RFNG: variants seen among roughly 807,000 people sequenced by gnomAD.
RFNG encodes beta-1,3-N-acetylglucosaminyltransferase radical fringe.
In RFNG, 37 loss-of-function variants were observed where a neutral mutation model predicts 29.6. The ratio of observed to expected loss-of-function variants is 1.25; its 90% CI spans 0.96 to 1.65. RFNG has a LOEUF of 1.65. Ranked by LOEUF, RFNG falls within the 40% of genes most tolerant of loss-of-function variation. RFNG has a pLI of 0.00. For synonymous variants in RFNG, 276 were observed against 197.3 expected, an observed-to-expected ratio of 1.40 and a Z score of -3.34; for missense variants, 546 against 457.0, an observed-to-expected ratio of 1.19 and a Z score of -1.78.
Position 82,050,722 on chromosome 17 carries a change from C to A in RFNG, c.359G>T (p.Arg120Leu). 1.2e-6 allele frequency: 2 copies of A among 1,613,220 alleles called. No individual in the cohort carries two copies. Among genetic ancestry groups the A allele is most frequent in the South Asian group, 2.2e-5 (2 of 91,084 alleles). The change falls in exon 3 of 8, where the codon CGT becomes CTT. Residue 120 changes from arginine (R) to leucine (L), a missense_variant. Transcript: ENST00000310496. The stretch of plus-strand genomic sequence containing the variant: ...GGACATCTTGCAGCAGAGGGCCTGA[C>A]GAGTGCGCACCGCCGAGCAGTTGGT... ...INTNCSAVRT[R>L]QALCCKMSVE...
intron 2 of RFNG, 143 bp from the exon 3 acceptor site, chr17:82,050,907 C>T (rs2030434694): frequency 4.3e-6 from 6 of 1,407,526 alleles, no homozygotes; most frequent in South Asian, 4.2e-5. Context: ...CAACCACAGC[C>T]CTAGCCCTCA....
chr17:82,048,768 G>A lies in RFNG; in HGVS notation c.954C>T (p.Asp318=), dbSNP rs2030077026. ...SIHCLLYPDT[D]WCPRQKQGAP... ...CGCCCTGTTTCTGCCTGGGACACCA[G>A]TCCGTGTCTGGGTACAGAAGACAAT... is the stretch of plus-strand genomic sequence containing the variant. Residue 318 remains aspartate (D), a synonymous_variant, in exon 8 of 8, where the codon GAC becomes GAT. Transcript: ENST00000310496. 1 of 1,613,372 alleles carries A rather than the reference G, an allele frequency of 6.2e-7. No homozygotes were observed. Among genetic ancestry groups the A allele is most frequent in the Non-Finnish European group, 8.5e-7 (1 of 1,179,856 alleles).
In RFNG at chr17:82,051,541, G is replaced by A; in HGVS notation, c.226C>T (p.Arg76Trp). Residue 76 changes from arginine (R) to tryptophan (W), a missense_variant, in exon 1 of 8, where the codon CGG becomes TGG. Arg to Trp is a moderately radical substitution (Grantham distance 101). Transcript: ENST00000310496. The surrounding 1 kb of genome is among the most constrained non-coding windows in gnomAD (Gnocchi z 4.1). ...TTRKNHGPRL[R>W]LLLRTWISRA... ...GAGATCCAGGTGCGCAGCAGCAGCC[G>A]CAGGCGCGGCCCGTGGTTCTTCCGG... 2 of 1,400,048 alleles carry A rather than the reference G, an allele frequency of 1.4e-6. No homozygotes were observed. The highest frequency in any genetic ancestry group is 1.5e-5 in the South Asian group (1 of 65,986). The allele number at this position is 1,400,048 out of a possible 1,614,324, so 86.7% of individuals were successfully genotyped here. A position where few individuals can be genotyped will look rare whatever the true frequency, so the allele number is the denominator to read the frequency against.
Position 82,051,599 on chromosome 17 carries a change from C to T in RFNG, c.168G>A (p.Arg56=), listed in dbSNP as rs1476122190. 2 of 1,288,240 alleles carry T rather than the reference C, an allele frequency of 1.6e-6. No homozygotes were observed. Among genetic ancestry groups the T allele is most frequent in the Non-Finnish European group, 2.0e-6 (2 of 1,016,908 alleles). 79.8% of individuals were successfully genotyped at this position (1,288,240 alleles called of 1,614,324 possible). ...TGACGGCGATGAAGACGTCGTCAGG[C>T]CGCAGGCTGGGGGCAGCGGGCCGGG... ...PPSRPAAPSL[R]PDDVFIAVKT... The change falls in exon 1 of 8, where the codon CGG becomes CGA. Residue 56 remains arginine, a synonymous_variant. Coordinates refer to ENST00000310496, the MANE Select transcript of RFNG (RefSeq NM_002917.2). This position sits in a 1 kb window ranked among gnomAD's most constrained non-coding sequence, Gnocchi z 4.1.
Position 82,051,075 on chromosome 17 carries a change from C to G in RFNG, c.316+219G>C, listed in dbSNP as rs2030478771. 3 of 1,368,742 alleles carry G rather than the reference C, an allele frequency of 2.2e-6. No homozygotes were observed. The highest frequency in any genetic ancestry group is 2.8e-6 in the Non-Finnish European group (3 of 1,066,498). 84.8% of individuals were successfully genotyped at this position (1,368,742 alleles called of 1,614,324 possible). A position where few individuals can be genotyped will look rare whatever the true frequency, so the allele number is the denominator to read the frequency against. On this transcript the variant is annotated intron_variant, in intron 2 of 7. Transcript: ENST00000310496. This position sits in a 1 kb window ranked among gnomAD's most constrained non-coding sequence, Gnocchi z 4.1. ...AGGGGACGTGGCACTAGCCCCACGC[C>G]CCGGGAAGCGGCTAGTGTGAGAGGC...
chr17:82,048,907 C>CGG (rs2030086855), intron 7 of RFNG, 100 bp from the exon 8 acceptor site: 8 of 1,395,520 alleles, frequency 5.7e-6, no homozygotes, highest in African/African-American at 1.6e-5. Context: ...GCCGTGGGTA[C>CGG]AGGGAGAAGC....
intron 4 of RFNG, 172 bp from the exon 5 acceptor site, chr17:82,050,178 G>A (rs1228723887): frequency 1.3e-6 from 1 of 777,440 alleles, no homozygotes; most frequent in Admixed American, 2.6e-5. Context: ...TTGACCCGTA[G>A]CCTCCAGACC....
intron 4 of RFNG, 127 bp downstream of exon 4, chr17:82,050,275 T>C (rs536075818): frequency 8.6e-6 from 10 of 1,164,372 alleles, no homozygotes; most frequent in Non-Finnish European, 1.2e-5. Context: ...GCAAACCACC[T>C]GGGTGGATCA....
intron 2 of RFNG, chr17:82,050,983 G>C (rs2030457783): frequency 2.8e-6 from 4 of 1,425,716 alleles, no homozygotes; most frequent in African/African-American, 1.4e-5. Flanking sequence ...CTCTTGAGTG[G>C]AAACAGGACG....
In RFNG at chr17:82,051,662, CG is replaced by C; in HGVS notation, c.104del (p.Pro35ArgfsTer117). ...LPLPLPRAPA[P>X]ARTPAPAPRA... ...GCGGGGCCGGGGCGGGGGTCCGGGC[CG>C]GGGCGGGCGCGCGGGGCAGCGGCAG... On this transcript the variant is annotated frameshift_variant, in exon 1 of 8. Transcript: ENST00000310496. LOFTEE classifies it high-confidence loss of function. The surrounding 1 kb of genome is among the most constrained non-coding windows in gnomAD (Gnocchi z 4.1). The C allele has an allele frequency of 1.0e-6, 1 of 1,001,294 alleles. No individual in the cohort carries two copies. Among genetic ancestry groups the C allele is most frequent in the Non-Finnish European group, 1.2e-6 (1 of 841,180 alleles). 62.0% of individuals were successfully genotyped at this position (1,001,294 alleles called of 1,614,324 possible). A position where few individuals can be genotyped will look rare whatever the true frequency, so the allele number is the denominator to read the frequency against.
intron 6 of RFNG, 176 bp downstream of exon 6, chr17:82,049,501 G>A: frequency 1.3e-6 from 1 of 773,986 alleles, no homozygotes; most frequent in Non-Finnish European, 2.2e-6. Flanking sequence ...TACCCCATCT[G>A]TACGTGAGGA....
intron 6 of RFNG, chr17:82,049,375 T>A: frequency 1.4e-6 from 1 of 698,426 alleles, no homozygotes; most frequent in Non-Finnish European, 2.6e-6. Context: ...CTCCACGTGA[T>A]GGGACCTGTT....
intron 6 of RFNG, chr17:82,049,408 A>G (rs1270912309): frequency 1.4e-6 from 1 of 699,018 alleles, no homozygotes; most frequent in Non-Finnish European, 2.6e-6. Context: ...CACCATACAC[A>G]CCACACCCAC....
chr17:82,050,504 C>T lies in RFNG; in HGVS notation c.471G>A (p.Leu157=). The change falls in exon 4 of 8, where the codon CTG becomes CTA. Residue 157 remains leucine (L), a synonymous_variant. Coordinates refer to ENST00000310496, the MANE Select transcript of RFNG (RefSeq NM_002917.2). ...TGGGTGAGAAGCTGGAGAGCAGGTG[C>T]AGGAGGCTCCTGGCGTTCACATAAT... ...DDNYVNARSL[L]HLLSSFSPSQ... 12 of 1,613,062 alleles carry T rather than the reference C, an allele frequency of 7.4e-6. No homozygotes were observed. The highest frequency in any genetic ancestry group is 1.0e-5 in the Non-Finnish European group (12 of 1,179,882).
In RFNG at chr17:82,048,745, C is replaced by T; in HGVS notation, c.977G>A (p.Gly326Asp). ...TTGGTGTCACCGAGAGGTCGGGGCG[C>T]CCTGTTTCTGCCTGGGACACCAGTC... Reference protein sequence around the residue: ...DTDWCPRQKQGAPTSR With the variant: ...DTDWCPRQKQDAPTSR Residue 326 changes from glycine (G) to aspartate (D), a missense_variant, in exon 8 of 8, where the codon GGC (glycine) becomes GAC (aspartate). Gly to Asp is a moderately conservative substitution (Grantham distance 94, BLOSUM62 -1). Coordinates refer to ENST00000310496, the MANE Select transcript of RFNG (RefSeq NM_002917.2). 2 of 1,613,072 alleles carry T rather than the reference C, an allele frequency of 1.2e-6. No homozygotes were observed. Among genetic ancestry groups the T allele is most frequent in the Non-Finnish European group, 1.7e-6 (2 of 1,179,836 alleles).
chr17:82,048,820 G>A lies in RFNG; in HGVS notation c.915-13C>T, dbSNP rs770258658. ...GATAGACTTAAACCTGGGGAAGGAA[G>A]AAGTAGGGGTCAGGGCCGTGGGCGG... is the stretch of plus-strand genomic sequence containing the variant. On this transcript the variant is annotated splice_polypyrimidine_tract_variant and intron_variant, in intron 7 of 7. Coordinates refer to ENST00000310496, the MANE Select transcript of RFNG (RefSeq NM_002917.2). The A allele has an allele frequency of 9.6e-5, 154 of 1,608,258 alleles. 1 individual carries two copies. The South Asian group carries it at 9.8e-4, about 10-fold the overall frequency.
Position 82,051,495 on chromosome 17 carries a change from C to A in RFNG, c.267+5G>T, listed in dbSNP as rs1172522506. 7.3e-7 allele frequency: 1 copy of A among 1,370,946 alleles called. No individual in the cohort carries two copies. The highest frequency in any genetic ancestry group is 1.7e-5 in the South Asian group (1 of 57,968). The allele number at this position is 1,370,946 out of a possible 1,614,324, so 84.9% of individuals were successfully genotyped here. ...GCTCGCCGTCGGGGTCGGGGTCCGGCGCACCTGCTGGCGGGCCCGGGAGAT... is the reference window on the plus strand; with the variant it reads ...GCTCGCCGTCGGGGTCGGGGTCCGGAGCACCTGCTGGCGGGCCCGGGAGAT... On this transcript the variant is annotated splice_donor_5th_base_variant and intron_variant, in intron 1 of 7. Coordinates refer to ENST00000310496, the MANE Select transcript of RFNG (RefSeq NM_002917.2). This position sits in a 1 kb window ranked among gnomAD's most constrained non-coding sequence, Gnocchi z 4.1.
chr17:82,048,347 C>G lies in RFNG; in HGVS notation c.*379G>C, dbSNP rs2030056006. ...GCTGGGCCAGGACCTTGGCCTGGAG[C>G]CTGCTCCTTGACACCCAGCCAGCCT... On this transcript the variant is annotated 3_prime_UTR_variant, in exon 8 of 8. Coordinates refer to ENST00000310496, the MANE Select transcript of RFNG (RefSeq NM_002917.2). 1 of 273,122 alleles carries G rather than the reference C, an allele frequency of 3.7e-6. No individual in the cohort carries two copies. The highest frequency in any genetic ancestry group is 2.2e-5 in the African/African-American group (1 of 44,882). The allele number at this position is 273,122 out of a possible 1,614,324, so 16.9% of individuals were successfully genotyped here. A position where few individuals can be genotyped will look rare whatever the true frequency, so the allele number is the denominator to read the frequency against.
chr17:82,051,297 C>A lies in RFNG; in HGVS notation c.313G>T (p.Gly105Cys). The change falls in exon 2 of 8, where the codon GGC (glycine) becomes TGC (cysteine). Residue 105 changes from glycine (G) to cysteine (C), a missense_variant. Coordinates refer to ENST00000310496, the MANE Select transcript of RFNG (RefSeq NM_002917.2). This position sits in a 1 kb window ranked among gnomAD's most constrained non-coding sequence, Gnocchi z 4.1. ...DGDDPELELQ[G>C]GDRVINTNCS... ...CCGGGGAGTGGGGGACACTCACCGC[C>A]CTGGAGCTCGAGCTCAGGGTCGTCC... The A allele has an allele frequency of 7.1e-7, 1 of 1,415,664 alleles. No individual in the cohort carries two copies. The highest frequency in any genetic ancestry group is 9.2e-7 in the Non-Finnish European group (1 of 1,087,098). The allele number at this position is 1,415,664 out of a possible 1,614,324, so 87.7% of individuals were successfully genotyped here. A position where few individuals can be genotyped will look rare whatever the true frequency, so the allele number is the denominator to read the frequency against.
Sources: allele counts gnomAD v4.1 joint callset, GRCh38; gene constraint gnomAD v4.1.1; non-coding constraint Gnocchi (gnomAD v3.1); transcripts MANE v1.5; gene names NCBI Gene and HGNC (gene_info 2026-07-23, HGNC 2026-07-21).